PLOD1: variants seen among roughly 807,000 people sequenced by gnomAD.
The protein encoded by PLOD1 is lysine hydroxylase.
Under a neutral mutation model 94.7 loss-of-function variants are expected in PLOD1, and 70 were observed. That is an observed-to-expected ratio of 0.74 (90% CI 0.61 to 0.90). PLOD1 has a LOEUF of 0.90. PLOD1 is among the 40% of genes least tolerant of loss of function. PLOD1 has a pLI of 0.00. For missense variants in PLOD1, 905 were observed against 972.7 expected, an observed-to-expected ratio of 0.93 and a Z score of 0.93; for synonymous variants, 417 against 400.2, an observed-to-expected ratio of 1.04 and a Z score of -0.50.
In PLOD1 at chr1:11,975,226, G is replaced by T; in HGVS notation, c.*418G>T. The stretch of plus-strand genomic sequence containing the variant: ...AGAGCTTCTCCCAGGCACAGGTGTT[G>T]CACCAGGGACTTCTGCTTCAAGTTT... On this transcript the variant is annotated 3_prime_UTR_variant, in exon 19 of 19. Transcript: ENST00000196061. 3.5e-6 allele frequency: 1 copy of T among 289,372 alleles called. No homozygotes were observed. Among genetic ancestry groups the T allele is most frequent in the South Asian group, 3.5e-5 (1 of 28,308 alleles). The allele number at this position is 289,372 out of a possible 1,614,324, so 17.9% of individuals were successfully genotyped here.
chr1:11,958,790 A>C lies in PLOD1; in HGVS notation c.975+143A>C. 1 of 951,942 alleles carries C rather than the reference A, an allele frequency of 1.1e-6. No homozygotes were observed. The highest frequency in any genetic ancestry group is 2.6e-5 in the East Asian group (1 of 38,012). 59.0% of individuals were successfully genotyped at this position (951,942 alleles called of 1,614,324 possible). On this transcript the variant is annotated intron_variant, in intron 9 of 18. Coordinates refer to ENST00000196061, the MANE Select transcript of PLOD1 (RefSeq NM_000302.4). The surrounding 1 kb of genome is among the most constrained non-coding windows in gnomAD (Gnocchi z 4.3). Reference sequence around the variant, plus strand: ...AATCACCAGTGGACTGTGTCCCCAAATCACTGAGTTAACTTTGGAGTCAGA... The same window carrying C: ...AATCACCAGTGGACTGTGTCCCCAACTCACTGAGTTAACTTTGGAGTCAGA...
Position 11,975,005 on chromosome 1 carries a change from C to T in PLOD1, c.*197C>T. On this transcript the variant is annotated 3_prime_UTR_variant, in exon 19 of 19. Coordinates refer to ENST00000196061, the MANE Select transcript of PLOD1 (RefSeq NM_000302.4). ...GCGGAACACACCTTTATGGCTGGGG[C>T]TCTCCGTGGTGTTCTGGACCCAGCC... is the stretch of plus-strand genomic sequence containing the variant. 4 of 661,532 alleles carry T rather than the reference C, an allele frequency of 6.0e-6. No homozygotes were observed. Among genetic ancestry groups the T allele is most frequent in the Non-Finnish European group, 1.1e-5 (4 of 366,928 alleles). The allele number at this position is 661,532 out of a possible 1,614,324, so 41.0% of individuals were successfully genotyped here.
intron 10 of PLOD1, among the ~76,000 whole-genome samples, chr1:11,961,975 G>C (rs1201032387): frequency 1.3e-5 from 2 of 152,140 alleles, no homozygotes; most frequent in Non-Finnish European, 2.9e-5. Context: ...TTTTAGTAGA[G>C]ACGAGGTTTC....
chr1:11,964,688 AG>A lies in PLOD1; in HGVS notation c.1376del (p.Gly459AlafsTer38). On this transcript the variant is annotated frameshift_variant, in exon 13 of 19. Transcript: ENST00000196061. LOFTEE classifies it high-confidence loss of function. Reference protein sequence around the residue: ...VPYISNIYLIKGSALRGELQS... With the variant: ...VPYISNIYLIXGSALRGELQS... ...TATATTTCAAACATCTACTTGATCAAGGGCAGTGCCCTGCGGGGTGAGCTGC... is the reference window on the plus strand; with the variant it reads ...TATATTTCAAACATCTACTTGATCAAGGCAGTGCCCTGCGGGGTGAGCTGC... The A allele has an allele frequency of 6.2e-7, 1 of 1,613,470 alleles. No individual in the cohort carries two copies. The highest frequency in any genetic ancestry group is 8.5e-7 in the Non-Finnish European group (1 of 1,179,946).
In PLOD1 at chr1:11,974,958, A is replaced by G. The variant is rs1645893949; in HGVS notation, c.*150A>G. 3.7e-6 allele frequency: 3 copies of G among 805,226 alleles called. 1 individual carries two copies. Among genetic ancestry groups the G allele is most frequent in the South Asian group, 2.8e-5 (2 of 72,534 alleles). 49.9% of individuals were successfully genotyped at this position (805,226 alleles called of 1,614,324 possible). On this transcript the variant is annotated 3_prime_UTR_variant, in exon 19 of 19. Transcript: ENST00000196061. ...TGGAGCCACCAATCAAAGAGATTCAAAGAGATTCCTGCAGGCCAGAGGCGG... is the reference window on the plus strand; with the variant it reads ...TGGAGCCACCAATCAAAGAGATTCAGAGAGATTCCTGCAGGCCAGAGGCGG...
At chr1:11,944,436 C>CACACAA in intron 1 of PLOD1, 1 of 808,856 alleles carries the variant, frequency 1.2e-6, no homozygotes, top group Non-Finnish European at 1.8e-6. Context: ...CACACACACA[C>CACACAA]ACACACACAC....
chr1:11,954,537 A>G, intron 5 of PLOD1: 1 of 681,722 alleles, frequency 1.5e-6, no homozygotes, highest in Non-Finnish European at 2.8e-6. Flanking sequence ...AGTGCTTGGC[A>G]GGTGCTGGTT....
chr1:11,944,796 C>G, intron 1 of PLOD1: 1 of 562,596 alleles, frequency 1.8e-6, no homozygotes, highest in Non-Finnish European at 2.7e-6. Context: ...CTCCCTGCCC[C>G]GGCTACCCCT....
chr1:11,944,718 A>G lies in PLOD1; in HGVS notation c.77-3258A>G, dbSNP rs1315731586. ...TGGTGTATCCACCCCCTCCTCCCCC[A>G]GCACCGCAGCTAATCCCTGCCAATC... On this transcript the variant is annotated intron_variant, in intron 1 of 18. Coordinates refer to ENST00000196061, the MANE Select transcript of PLOD1 (RefSeq NM_000302.4). The G allele has an allele frequency of 2.5e-6, 3 of 1,211,214 alleles. No homozygotes were observed. The Admixed American group carries it at 8.0e-5, about 32-fold the overall frequency. 75.0% of individuals were successfully genotyped at this position (1,211,214 alleles called of 1,614,324 possible).
At position 11,967,597 on chromosome 1, in the gene PLOD1, G is replaced by GTGTATATATATATATATATATATA. The variant is rs1391982281; in HGVS notation, c.1755+507_1755+508insGTATATATATATATATATATATAT. On this transcript the variant is annotated intron_variant, in intron 16 of 18. Coordinates refer to ENST00000196061, the MANE Select transcript of PLOD1 (RefSeq NM_000302.4). Reference sequence around the variant, plus strand: ...TTTTTCTTTTCATGTGTGTGTGTGTGTATATATATATATATATAAAAAGAA... The same window carrying GTGTATATATATATATATATATATA: ...TTTTTCTTTTCATGTGTGTGTGTGTGTGTATATATATATATATATATATATATATATATATATATATAAAAAGAA... Among the ~76,000 whole-genome samples, 111 of 59,690 alleles carry GTGTATATATATATATATATATATA rather than the reference G, an allele frequency of 1.9e-3. 1 individual carries two copies. The highest frequency in any genetic ancestry group is 0.012 in the South Asian group (14 of 1,124). 39.2% of individuals were successfully genotyped at this position (59,690 alleles called of 152,430 possible).
Position 11,950,584 on chromosome 1 carries a change from A to AC in PLOD1, c.466+70dup, listed in dbSNP as rs201757890. 1.4e-3 allele frequency: 2,073 copies of AC among 1,508,136 alleles called. 21 individuals carry two copies. The African/African-American group carries it at 0.021, about 16-fold the overall frequency. 93.4% of individuals were successfully genotyped at this position (1,508,136 alleles called of 1,614,324 possible). A position where few individuals can be genotyped will look rare whatever the true frequency, so the allele number is the denominator to read the frequency against. On this transcript the variant is annotated intron_variant, in intron 4 of 18. Transcript: ENST00000196061. ...GGGTCCATCTACTGCCTTTGTGGGG[A>AC]CCCCCCTTGTTTGACGTGCAATCTG...
intron 1 of PLOD1, among the ~76,000 whole-genome samples, chr1:11,945,986 G>A (rs1286307186): frequency 7.9e-5 from 12 of 152,276 alleles, no homozygotes; most frequent in East Asian, 1.9e-4. Context: ...TGGGATTACC[G>A]GTGTGAGCCA....
chr1:11,960,496 G>A (rs1435012538), intron 9 of PLOD1, 150 bp from the exon 10 acceptor site: 3 of 686,902 alleles, frequency 4.4e-6, no homozygotes, highest in East Asian at 2.7e-5. Flanking sequence ...GGGCTGGCAT[G>A]GGCAAAGGTC....
intron 17 of PLOD1, among the ~76,000 whole-genome samples, chr1:11,971,114 G>T (rs1430481678): frequency 1.3e-5 from 1 of 78,006 alleles, no homozygotes; most frequent in Non-Finnish European, 2.6e-5. Flanking sequence ...AAGCCTAGAG[G>T]GGCGGGGGGG....
intron 13 of PLOD1, among the ~76,000 whole-genome samples, chr1:11,965,222 G>T (rs959854585): frequency 1.3e-5 from 2 of 150,980 alleles, no homozygotes; most frequent in South Asian, 4.2e-4. Context: ...ACCAGAACAC[G>T]CTCCTTTTCT....
intron 3 of PLOD1, 143 bp from the exon 4 acceptor site, chr1:11,950,214 T>G: frequency 2.4e-6 from 2 of 818,326 alleles, no homozygotes; most frequent in South Asian, 1.6e-5. Flanking sequence ...CAGAGACAGG[T>G]CCATTTCCCA....
chr1:11,939,780 G>C (rs1284396825), intron 1 of PLOD1, among the ~76,000 whole-genome samples: 1 of 151,830 alleles, frequency 6.6e-6, no homozygotes, highest in African/African-American at 2.4e-5. Flanking sequence ...GCTAATTTTT[G>C]TATTTTTAGT....
rs1478925957 is a variant in PLOD1, at chr1:11,958,704, C to T, written c.975+57C>T. On this transcript the variant is annotated intron_variant, in intron 9 of 18. Coordinates refer to ENST00000196061, the MANE Select transcript of PLOD1 (RefSeq NM_000302.4). The surrounding 1 kb of genome is among the most constrained non-coding windows in gnomAD (Gnocchi z 4.3). Reference sequence around the variant, plus strand: ...GTGGCTTAGATCCAGGGCCCAGCTTCACAAGGTAGCCCGAGACCTCTGAGG... The same window carrying T: ...GTGGCTTAGATCCAGGGCCCAGCTTTACAAGGTAGCCCGAGACCTCTGAGG... 2 of 1,606,898 alleles carry T rather than the reference C, an allele frequency of 1.2e-6. No homozygotes were observed. Among genetic ancestry groups the T allele is most frequent in the Admixed American group, 3.3e-5 (2 of 59,914 alleles).
chr1:11,960,921 CAA>C (rs1429979254), intron 10 of PLOD1, among the ~76,000 whole-genome samples, 154 bp downstream of exon 10: 1 of 151,966 alleles, frequency 6.6e-6, no homozygotes, highest in Non-Finnish European at 1.5e-5. Context: ...TTCCATCTGT[CAA>C]AAGGGGAAAT....
Sources: allele counts gnomAD v4.1 joint callset (sites outside exome capture counted in the v4.1 genomes callset), GRCh38; gene constraint gnomAD v4.1.1; non-coding constraint Gnocchi (gnomAD v3.1); transcripts MANE v1.5; gene names NCBI Gene and HGNC (gene_info 2026-07-23, HGNC 2026-07-21).